LMLN: variants seen among roughly 807,000 people sequenced by gnomAD.
LMLN encodes leishmanolysin like peptidase, also known as leishmanolysin-like peptidase.
A neutral mutation model predicts 92.3 loss-of-function variants in LMLN; 70 were observed. That is an observed-to-expected ratio of 0.76 (90% CI 0.63 to 0.92). The LOEUF (loss-of-function observed/expected upper bound fraction) is 0.92, where lower values mean the gene tolerates loss of function less well. LMLN is among the 40% of genes least tolerant of loss of function. The probability of loss-of-function intolerance (pLI) is 0.00; values close to 1 mark genes in which losing one functional copy is unlikely to be tolerated. For synonymous variants in LMLN, 308 were observed against 296.2 expected (o/e 1.04, Z -0.41); for missense variants, 691 against 814.6 (o/e 0.85, Z 1.85).
chr3:198,002,546 TG>T (rs1722203541), intron 11 of LMLN, among the ~76,000 whole-genome samples: 2 of 152,184 alleles, frequency 1.3e-5, no homozygotes, highest in South Asian at 4.1e-4. Context: ...GAGACCAGTG[TG>T]GCAAACATAG....
At chr3:198,006,860 G>A (rs1054347936) in intron 11 of LMLN, among the ~76,000 whole-genome samples, 11 of 152,104 alleles carry the variant, frequency 7.2e-5, no homozygotes, top group South Asian at 4.1e-4. Context: ...CTACAGGCAC[G>A]TACCACTATG....
intron 1 of LMLN, among the ~76,000 whole-genome samples, chr3:197,972,022 G>C (rs1386535812): frequency 7.7e-6 from 1 of 130,632 alleles, no homozygotes; most frequent in Admixed American, 8.7e-5. Context: ...CTATCTTCAA[G>C]TTCACTGATG....
chr3:198,012,905 T>C (rs1383000761), intron 11 of LMLN, among the ~76,000 whole-genome samples: 1 of 128,386 alleles, frequency 7.8e-6, no homozygotes, highest in Non-Finnish European at 1.6e-5. Flanking sequence ...CTGACTTCTC[T>C]GTACCCTTCA....
At chr3:198,038,979 C>T in exon 16 of LMLN, 1 of 304,762 alleles carries the variant, frequency 3.3e-6, no homozygotes, top group Non-Finnish European at 6.4e-6. Flanking sequence ...GCAACCCAAC[C>T]ACCTCATCAG....
At chr3:197,979,770 T>A (rs1220796439) in intron 5 of LMLN, among the ~76,000 whole-genome samples, 1 of 152,106 alleles carries the variant, frequency 6.6e-6, no homozygotes. Flanking sequence ...GGTGACAGAG[T>A]GACTCCACCT....
chr3:197,978,816 C>CGGTT (rs1211064004), intron 5 of LMLN, among the ~76,000 whole-genome samples: 1 of 151,974 alleles, frequency 6.6e-6, no homozygotes, highest in Non-Finnish European at 1.5e-5. Context: ...CACGGTGAAA[C>CGGTT]CTTCTGTCTA....
chr3:198,022,429 C>T (rs571437786), intron 13 of LMLN, among the ~76,000 whole-genome samples: 1 of 152,152 alleles, frequency 6.6e-6, no homozygotes, highest in Non-Finnish European at 1.5e-5. Context: ...TCTCCAAACC[C>T]CCACCCCATT....
intron 9 of LMLN, 52 bp from the exon 10 acceptor site, chr3:197,996,123 C>T: frequency 1.0e-6 from 1 of 975,960 alleles, no homozygotes; most frequent in Non-Finnish European, 1.5e-6. Flanking sequence ...TTGCTGTTAT[C>T]TTACGGTACT....
chr3:197,969,288 T>G (rs777175550), intron 1 of LMLN, among the ~76,000 whole-genome samples: 7 of 151,844 alleles, frequency 4.6e-5, no homozygotes, highest in Non-Finnish European at 8.8e-5. Context: ...TTTTTTTTAG[T>G]ATCTTAAGGT....
At chr3:198,008,118 C>T (rs1722341944) in intron 11 of LMLN, among the ~76,000 whole-genome samples, 1 of 152,038 alleles carries the variant, frequency 6.6e-6, no homozygotes, top group South Asian at 2.1e-4. Context: ...CTGTATGTTG[C>T]TGAATTCTAT....
At chr3:197,996,034 C>A in intron 9 of LMLN, 141 bp from the exon 10 acceptor site, 3 of 431,620 alleles carry the variant, frequency 7.0e-6, no homozygotes, top group Non-Finnish European at 1.2e-5. Flanking sequence ...TATTAAAAAC[C>A]ATATTTTAAA....
chr3:197,973,128 T>C (rs1299594271), intron 1 of LMLN, among the ~76,000 whole-genome samples: 2 of 152,176 alleles, frequency 1.3e-5, no homozygotes, highest in Non-Finnish European at 2.9e-5. Context: ...CTCCCCAAAA[T>C]ACTGTCAGAC....
intron 8 of LMLN, 83 bp downstream of exon 8, chr3:197,985,973 C>A (rs1721695264): frequency 9.9e-6 from 8 of 810,944 alleles, no homozygotes; most frequent in South Asian, 3.2e-5. Flanking sequence ...ATATTAGATG[C>A]CATAAATAAT....
At chr3:198,040,917 A>T (rs1201624574) in exon 16 of LMLN, 1 of 140,858 alleles carries the variant, frequency 7.1e-6, no homozygotes, top group Non-Finnish European at 1.6e-5. Flanking sequence ...ATGGCATTGT[A>T]ACCACAACCC....
intron 8 of LMLN, among the ~76,000 whole-genome samples, chr3:197,986,954 C>A (rs1208978545): frequency 6.7e-6 from 1 of 150,314 alleles, no homozygotes; most frequent in Non-Finnish European, 1.5e-5. Flanking sequence ...ATTCTCCTGC[C>A]TCAGCCTCCC....
At chr3:197,971,944 C>CTTTTTTTTTTTTTTTTTTTT (rs756710031) in intron 1 of LMLN, among the ~76,000 whole-genome samples, 4 of 81,216 alleles carry the variant, frequency 4.9e-5, no homozygotes, top group Non-Finnish European at 7.2e-5. Context: ...AGTCTCTGTT[C>CTTTTTTTTTTTTTTTTTTTT]TTTTTTTTTT....
At chr3:197,987,012 G>T (rs1721729178) in intron 8 of LMLN, among the ~76,000 whole-genome samples, 1 of 148,750 alleles carries the variant, frequency 6.7e-6, no homozygotes, top group African/African-American at 2.5e-5. Flanking sequence ...GCTAATTTTT[G>T]TATTTTTAGT....
intron 1 of LMLN, among the ~76,000 whole-genome samples, chr3:197,966,791 A>C (rs964099696): frequency 2.0e-5 from 3 of 151,970 alleles, no homozygotes; most frequent in Non-Finnish European, 4.4e-5. Flanking sequence ...TTTTACATCT[A>C]TGTATTTTTA....
intron 11 of LMLN, among the ~76,000 whole-genome samples, chr3:198,000,005 CT>C (rs1445389311): frequency 6.6e-6 from 1 of 152,170 alleles, no homozygotes; most frequent in African/African-American, 2.4e-5. Flanking sequence ...TTTTAAATGA[CT>C]GGTTTTTTAT....
Sources: gnomAD v4.1 joint callset for allele counts (sites outside exome capture counted in the v4.1 genomes callset) on GRCh38, gnomAD v4.1.1 for gene constraint, MANE v1.5 for transcripts, NCBI Gene and HGNC (gene_info 2026-07-23, HGNC 2026-07-21) for gene names.